Variants in TENM2 observed in about 807,000 individuals in gnomAD.
The protein encoded by TENM2 is teneurin transmembrane protein 2.
In TENM2, 52 loss-of-function variants were observed where a neutral mutation model predicts 245.2. The ratio of observed to expected loss-of-function variants is 0.21; its 90% CI spans 0.17 to 0.27. The LOEUF (loss-of-function observed/expected upper bound fraction) is 0.27, where lower values mean the gene tolerates loss of function less well. Ranked by LOEUF, TENM2 falls within the 10% of genes least tolerant of loss-of-function variation. The pLI is 1.00. For synonymous variants in TENM2, 1,363 were observed against 1,438.9 expected, an observed-to-expected ratio of 0.95 and a Z score of 1.19; for missense variants, 3,046 against 3,666.8, an observed-to-expected ratio of 0.83 and a Z score of 4.37.
chr5:167,950,190 T>A (rs1440664165), intron 3 of TENM2, among the ~76,000 whole-genome samples: 1 of 152,186 alleles, frequency 6.6e-6, no homozygotes, highest in African/African-American at 2.4e-5. Context: ...ATTCATTTTA[T>A]TTGGAACATA....
chr5:168,137,791 G>C (rs899488391), intron 12 of TENM2, among the ~76,000 whole-genome samples: 1 of 152,202 alleles, frequency 6.6e-6, no homozygotes, highest in African/African-American at 2.4e-5. Flanking sequence ...GCATGTTACT[G>C]TCAACTTCTT....
chr5:167,002,396 A>G, the TENM2 span, among the ~76,000 whole-genome samples: 2 of 152,216 alleles, frequency 1.3e-5, no homozygotes, highest in Non-Finnish European at 2.9e-5. Flanking sequence ...AGCCTGGGTC[A>G]CAGAGGAGAC....
At chr5:167,299,110 G>A (rs544383797) in intron 1 of TENM2, among the ~76,000 whole-genome samples, 7 of 152,326 alleles carry the variant, frequency 4.6e-5, no homozygotes, top group African/African-American at 1.7e-4. Context: ...TGGTGGCTGA[G>A]CCTGGTGAGG....
At chr5:167,930,874 G>A (rs1359006939) in intron 3 of TENM2, among the ~76,000 whole-genome samples, 1 of 152,128 alleles carries the variant, frequency 6.6e-6, no homozygotes, top group African/African-American at 2.4e-5. Flanking sequence ...TTTTTGCTCT[G>A]ATAGAAAATG....
intron 13 of TENM2, 135 bp from the exon 16 acceptor site, chr5:168,190,202 G>T (rs1386876480): frequency 4.9e-6 from 3 of 616,950 alleles, no homozygotes; most frequent in Non-Finnish European, 5.8e-6. Context: ...GGCTTGCTGT[G>T]TGAAACCTGC....
the TENM2 span, among the ~76,000 whole-genome samples, chr5:167,148,681 G>A: frequency 1.4e-4 from 21 of 152,206 alleles, no homozygotes; most frequent in African/African-American, 4.6e-4. Context: ...TCATGAAATC[G>A]TGGTAAAAAG....
chr5:167,427,099 G>A (rs1420531040), intron 2 of TENM2, among the ~76,000 whole-genome samples: 4 of 152,138 alleles, frequency 2.6e-5, no homozygotes, highest in East Asian at 1.9e-4. Flanking sequence ...GAAAGAAGTG[G>A]GGAAGGAAGA....
At chr5:167,042,390 C>T in the TENM2 span, among the ~76,000 whole-genome samples, 46 of 152,262 alleles carry the variant, frequency 3.0e-4, no homozygotes, top group African/African-American at 1.1e-3. Flanking sequence ...CAGCTGTGTA[C>T]CTGTATCTCC....
chr5:167,945,467 T>C (rs1291091349), intron 3 of TENM2, among the ~76,000 whole-genome samples: 1 of 152,190 alleles, frequency 6.6e-6, no homozygotes, highest in Non-Finnish European at 1.5e-5. Context: ...TTGTAAGTTT[T>C]AAATAAGATG....
chr5:167,674,627 G>A (rs1341450901), intron 2 of TENM2, among the ~76,000 whole-genome samples: 1 of 152,072 alleles, frequency 6.6e-6, no homozygotes, highest in East Asian at 1.9e-4. Context: ...ATCTCCGTGT[G>A]TCTCAATTTC....
At chr5:167,762,165 A>G (rs1277269612) in intron 2 of TENM2, among the ~76,000 whole-genome samples, 1 of 152,164 alleles carries the variant, frequency 6.6e-6, no homozygotes, top group Non-Finnish European at 1.5e-5. Flanking sequence ...ATACATGCAT[A>G]TAAACACACA....
At chr5:167,729,261 T>C (rs1760250598) in intron 2 of TENM2, 1 of 152,222 alleles carries the variant, frequency 6.6e-6, no homozygotes, top group South Asian at 2.1e-4. Context: ...CCCTTAACTC[T>C]CTAATTTCAC....
chr5:167,797,230 C>A (rs1223002722), intron 2 of TENM2, among the ~76,000 whole-genome samples: 1 of 152,096 alleles, frequency 6.6e-6, no homozygotes, highest in Non-Finnish European at 1.5e-5. Context: ...ATCCCAAGGC[C>A]CTTCAGTCTG....
intron 27 of TENM2, among the ~76,000 whole-genome samples, chr5:168,254,169 G>T (rs531256675): frequency 6.6e-6 from 1 of 152,224 alleles, no homozygotes; most frequent in South Asian, 2.1e-4. Context: ...ATAATCACAC[G>T]CTGTGAAGAA....
rs59240930 is a variant in TENM2, at chr5:167,353,500, G to GTTTTTTTTTTTTTTTTTTTTTTT, written c.227-21695_227-21673dup. ...TATGGTGTTTTTTGTTGTTGTTGTT[G>GTTTTTTTTTTTTTTTTTTTTTTT]TTTTTTTTTTTTTTTTTTTTTTTTT... On this transcript the variant is annotated intron_variant, in intron 1 of 28. Transcript: ENST00000518659. 8.8e-5 allele frequency among the ~76,000 whole-genome samples: 7 copies of GTTTTTTTTTTTTTTTTTTTTTTT among 79,440 alleles called. 1 individual carries two copies. Among genetic ancestry groups the GTTTTTTTTTTTTTTTTTTTTTTT allele is most frequent in the East Asian group, 4.4e-4 (1 of 2,260 alleles). The allele number at this position is 79,440 out of a possible 152,430, so 52.1% of individuals were successfully genotyped here. A position where few individuals can be genotyped will look rare whatever the true frequency, so the allele number is the denominator to read the frequency against.
At chr5:167,557,671 T>C (rs1773339702) in intron 2 of TENM2, among the ~76,000 whole-genome samples, 1 of 152,132 alleles carries the variant, frequency 6.6e-6, no homozygotes, top group Non-Finnish European at 1.5e-5. Flanking sequence ...TCATACCCAG[T>C]AGGGGGGTGA....
intron 2 of TENM2, among the ~76,000 whole-genome samples, chr5:167,397,319 T>C (rs1762111718): frequency 6.6e-6 from 1 of 152,130 alleles, no homozygotes; most frequent in Non-Finnish European, 1.5e-5. Context: ...TATTATCTTG[T>C]TAAAACCATA....
chr5:168,157,973 A>G (rs1373764963), intron 12 of TENM2, among the ~76,000 whole-genome samples: 1 of 152,154 alleles, frequency 6.6e-6, no homozygotes, highest in Non-Finnish European at 1.5e-5. Context: ...CCTAGACTAG[A>G]GTGCAGTAGC....
chr5:167,350,065 T>C (rs1172305471), intron 1 of TENM2, among the ~76,000 whole-genome samples: 1 of 152,124 alleles, frequency 6.6e-6, no homozygotes, highest in Non-Finnish European at 1.5e-5. Flanking sequence ...ATTTTAATAG[T>C]CAGTTGTCAA....
Sources: allele counts gnomAD v4.1 joint callset (sites outside exome capture counted in the v4.1 genomes callset), GRCh38; gene constraint gnomAD v4.1.1; transcripts MANE v1.5; gene names NCBI Gene and HGNC (gene_info 2026-07-23, HGNC 2026-07-21).